Variants in GALNT17 observed in about 807,000 individuals in gnomAD.
The protein encoded by GALNT17 is polypeptide N-acetylgalactosaminyltransferase 17.
Under a neutral mutation model 63.7 loss-of-function variants are expected in GALNT17, and 29 were observed. The observed-to-expected ratio is 0.46, with a 90% CI of 0.34 to 0.62. The LOEUF is 0.62. Among genes scored for constraint, GALNT17 ranks in the 20% least tolerant of loss-of-function variants. The pLI, the probability that GALNT17 is intolerant of heterozygous loss-of-function variation, is 0.01. For missense variants in GALNT17, 603 were observed against 799.6 expected (o/e 0.75, Z 2.97); for synonymous variants, 305 against 318.3 (o/e 0.96, Z 0.45).
chr7:71,482,821 A>T (rs187613087), intron 5 of GALNT17, among the ~76,000 whole-genome samples: 43 of 152,240 alleles, frequency 2.8e-4, no homozygotes, highest in African/African-American at 9.9e-4. Context: ...ACCTTAGATC[A>T]TGAGGCATTA....
chr7:71,147,369 C>G (rs552018337), intron 1 of GALNT17, among the ~76,000 whole-genome samples: 42 of 152,214 alleles, frequency 2.8e-4, no homozygotes, highest in South Asian at 4.2e-4. Context: ...AAGAAGTAGG[C>G]TGGGAAGCTA....
chr7:71,514,855 G>A (rs1788420453), intron 5 of GALNT17, among the ~76,000 whole-genome samples: 1 of 152,148 alleles, frequency 6.6e-6, no homozygotes, highest in African/African-American at 2.4e-5. Context: ...ATCTCATCTT[G>A]AATTGTAGCT....
chr7:71,446,746 A>G (rs1160457795), intron 5 of GALNT17, among the ~76,000 whole-genome samples: 1 of 152,076 alleles, frequency 6.6e-6, no homozygotes, highest in Non-Finnish European at 1.5e-5. Flanking sequence ...ACAGGGTTTC[A>G]CCACATTGGC....
intron 1 of GALNT17, among the ~76,000 whole-genome samples, chr7:71,261,183 C>T (rs1408864458): frequency 5.9e-5 from 9 of 152,238 alleles, no homozygotes; most frequent in African/African-American, 1.9e-4. Context: ...ATGGTTCCAA[C>T]GTGCGGTCAC....
intron 3 of GALNT17, among the ~76,000 whole-genome samples, chr7:71,398,678 G>A (rs1793183613): frequency 6.6e-6 from 1 of 152,174 alleles, no homozygotes; most frequent in Non-Finnish European, 1.5e-5. Context: ...GCCAGGGGCT[G>A]GGTGGAGGGG....
chr7:71,472,147 A>G (rs1787642870), intron 5 of GALNT17, among the ~76,000 whole-genome samples: 1 of 152,062 alleles, frequency 6.6e-6, no homozygotes, highest in Non-Finnish European at 1.5e-5. Context: ...CATAGTGGAA[A>G]GAGACAAGAG....
At chr7:71,261,441 C>T (rs1790384113) in intron 1 of GALNT17, among the ~76,000 whole-genome samples, 2 of 152,174 alleles carry the variant, frequency 1.3e-5, no homozygotes, top group South Asian at 4.1e-4. Flanking sequence ...TTTCAGTCAG[C>T]CTAGCACTCA....
At chr7:71,415,052 C>T (rs1276986768) in intron 3 of GALNT17, among the ~76,000 whole-genome samples, 2 of 152,036 alleles carry the variant, frequency 1.3e-5, no homozygotes, top group African/African-American at 4.8e-5. Flanking sequence ...CTCTGTTGCC[C>T]AGAATGGAGT....
chr7:71,561,097 C>G (rs1789248464), intron 5 of GALNT17, among the ~76,000 whole-genome samples: 1 of 152,138 alleles, frequency 6.6e-6, no homozygotes, highest in Non-Finnish European at 1.5e-5. Flanking sequence ...ACTGCAACCT[C>G]CACCTCCCGG....
Position 71,329,082 on chromosome 7 carries a change from G to A in GALNT17, c.239-6468G>A, listed in dbSNP as rs115945025. ...GATGGAACAAAAGATATGCTGTATC[G>A]TCAAGTGAAGAAAAAGACAAGCCAA... On this transcript the variant is annotated intron_variant, in intron 1 of 10. Transcript: ENST00000333538. 2.1e-3 allele frequency among the ~76,000 whole-genome samples: 326 copies of A among 152,266 alleles called. 4 individuals carry two copies. The highest frequency in any genetic ancestry group is 7.6e-3 in the African/African-American group (315 of 41,546).
intron 1 of GALNT17, among the ~76,000 whole-genome samples, chr7:71,320,423 A>T (rs67571118): frequency 4.2e-4 from 34 of 80,796 alleles, no homozygotes; most frequent in African/African-American, 7.1e-4. Context: ...AAAAAAAAAA[A>T]TTTTTTTTTT....
intron 1 of GALNT17, among the ~76,000 whole-genome samples, chr7:71,314,545 A>G (rs1791468902): frequency 6.6e-6 from 1 of 152,188 alleles, no homozygotes; most frequent in African/African-American, 2.4e-5. Context: ...GTCTGGAAAG[A>G]AGGACAAAGA....
chr7:71,482,377 T>G (rs1787836160), intron 5 of GALNT17, among the ~76,000 whole-genome samples: 1 of 152,178 alleles, frequency 6.6e-6, no homozygotes, highest in Admixed American at 6.5e-5. Context: ...CTCCAACGCC[T>G]GACCTCATGT....
chr7:71,380,580 C>T (rs980474584), intron 2 of GALNT17, among the ~76,000 whole-genome samples: 8 of 152,102 alleles, frequency 5.3e-5, no homozygotes, highest in African/African-American at 1.9e-4. Context: ...TTCAGCCTCC[C>T]AAAACTCTGG....
At chr7:71,648,351 G>A (rs539238790) in intron 6 of GALNT17, among the ~76,000 whole-genome samples, 1 of 151,138 alleles carries the variant, frequency 6.6e-6, no homozygotes, top group East Asian at 2.0e-4. Context: ...GCTCACCGCA[G>A]CCTGGAACTC....
rs1421221957 is a variant in GALNT17, at chr7:71,616,538, TA to T, written c.1080+45139del. On this transcript the variant is annotated intron_variant, in intron 6 of 10. Coordinates refer to ENST00000333538, the MANE Select transcript of GALNT17 (RefSeq NM_022479.3). ...ATATGTTAATACATTATATGTAATA[TA>T]AATATATAATAATTACATATAACTA... Among the ~76,000 whole-genome samples the T allele has an allele frequency of 3.7e-4, 55 of 146,808 alleles. 3 individuals carry two copies. In the South Asian group the frequency reaches 0.012, roughly 31 times the overall value.
At chr7:71,309,687 A>G (rs1791378144) in intron 1 of GALNT17, among the ~76,000 whole-genome samples, 1 of 152,212 alleles carries the variant, frequency 6.6e-6, no homozygotes, top group Non-Finnish European at 1.5e-5. Context: ...AATAAGAGTT[A>G]TGTTAAGGAA....
At chr7:71,691,198 C>T (rs1049723276) in intron 9 of GALNT17, among the ~76,000 whole-genome samples, 1 of 152,102 alleles carries the variant, frequency 6.6e-6, no homozygotes, top group Non-Finnish European at 1.5e-5. Context: ...ACCCCGCCAC[C>T]CTGATCAGTC....
At chr7:71,564,921 C>T (rs530841042) in intron 5 of GALNT17, among the ~76,000 whole-genome samples, 1 of 152,286 alleles carries the variant, frequency 6.6e-6, no homozygotes, top group African/African-American at 2.4e-5. Flanking sequence ...AGCTTTCTCT[C>T]ATTACCACAC....
Sources: gnomAD v4.1 joint callset for allele counts (sites outside exome capture counted in the v4.1 genomes callset) on GRCh38, gnomAD v4.1.1 for gene constraint, MANE v1.5 for transcripts, NCBI Gene and HGNC (gene_info 2026-07-23, HGNC 2026-07-21) for gene names.